The following PCDHA7 variants were observed in gnomAD, a reference collection of about 807,000 sequenced individuals.
The protein encoded by PCDHA7 is protocadherin alpha 7.
In PCDHA7, 37 loss-of-function variants were observed where a neutral mutation model predicts 57.2. That is an observed-to-expected ratio of 0.65 (90% confidence interval 0.50 to 0.85). The LOEUF (loss-of-function observed/expected upper bound fraction) is 0.85, where lower values mean the gene tolerates loss of function less well. PCDHA7 is among the 40% of genes least tolerant of loss of function. The probability of loss-of-function intolerance (pLI) is 0.00; values close to 1 mark genes in which losing one functional copy is unlikely to be tolerated. For missense variants in PCDHA7, 1,188 were observed against 1,241.8 expected (o/e 0.96, Z 0.65); for synonymous variants, 553 against 558.8 (o/e 0.99, Z 0.15).
At chr5:140,891,502 T>C (rs11748559) in intron 1 of PCDHA7, among the ~76,000 whole-genome samples, 18,999 of 152,020 alleles carry the variant, frequency 0.12, 1,247 homozygotes, top group Middle Eastern at 0.19. Context: ...TCCTCAGCTA[T>C]AATGTTCTCC....
intron 1 of PCDHA7, among the ~76,000 whole-genome samples, chr5:140,902,795 A>G (rs555172255): frequency 6.8e-4 from 103 of 151,862 alleles, no homozygotes; most frequent in African/African-American, 2.3e-3. Context: ...TCTCACTTGT[A>G]TGTGAGAATA....
intron 1 of PCDHA7, chr5:140,851,772 A>G (rs1236960091): frequency 1.0e-6 from 1 of 968,722 alleles, no homozygotes; most frequent in Non-Finnish European, 1.2e-6. Context: ...ACCCTTATGA[A>G]TTTAGATGAG....
intron 1 of PCDHA7, chr5:140,869,160 C>G (rs201759355): frequency 6.2e-7 from 1 of 1,613,768 alleles, no homozygotes; most frequent in African/African-American, 1.3e-5. Flanking sequence ...TCTGGCTTCT[C>G]CTCCTCGAAT....
At chr5:140,967,562 C>T in intron 1 of PCDHA7, 1 of 1,614,064 alleles carries the variant, frequency 6.2e-7, no homozygotes, top group Non-Finnish European at 8.5e-7. Context: ...TCGCGTCCAG[C>T]TACGGGAGGA....
chr5:140,861,903 A>G (rs115177043), intron 1 of PCDHA7: 3,607 of 155,014 alleles, frequency 0.023, 51 homozygotes, highest in Middle Eastern at 0.034. Flanking sequence ...AAAGCATTAT[A>G]TATCACAGCG....
At chr5:140,869,980 A>G (rs782258774) in intron 1 of PCDHA7, 91 of 1,613,262 alleles carry the variant, frequency 5.6e-5, no homozygotes, top group Non-Finnish European at 7.5e-5. Context: ...ACACTTATTT[A>G]CACTAGATCA....
intron 1 of PCDHA7, chr5:140,877,279 T>G (rs782432213): frequency 1.2e-6 from 2 of 1,613,820 alleles, no homozygotes; most frequent in Non-Finnish European, 1.7e-6. Flanking sequence ...TGACTCCGGC[T>G]ATAACGCTTG....
intron 1 of PCDHA7, among the ~76,000 whole-genome samples, chr5:140,921,467 A>G (rs1287124986): frequency 1.3e-5 from 2 of 152,204 alleles, no homozygotes; most frequent in East Asian, 1.9e-4. Flanking sequence ...TGCAACCACT[A>G]CCAAACCACT....
At chr5:140,953,258 T>C (rs1042358653) in intron 1 of PCDHA7, among the ~76,000 whole-genome samples, 22 of 152,304 alleles carry the variant, frequency 1.4e-4, no homozygotes, top group African/African-American at 5.3e-4. Context: ...TTAGTTCTTT[T>C]AGCTTTAGCC....
At chr5:140,896,551 A>G (rs1474890462) in intron 1 of PCDHA7, among the ~76,000 whole-genome samples, 1 of 139,892 alleles carries the variant, frequency 7.1e-6, no homozygotes, top group African/African-American at 2.6e-5. Context: ...TTTTTTTTGT[A>G]TTTTAAGTAG....
rs201231291 is a variant in PCDHA7, at chr5:140,849,957, G to A, written c.2355+13219G>A. On this transcript the variant is annotated intron_variant, in intron 1 of 3. Transcript: ENST00000525929. ...GCGGGACGCTGACGCGCAGGAGAAC[G>A]CCCTGGTGTCCTACTCGCTGGTGGA... The A allele has an allele frequency of 3.1e-6, 5 of 1,597,800 alleles. 1 individual carries two copies. The highest frequency in any genetic ancestry group is 3.4e-6 in the Non-Finnish European group (4 of 1,167,908).
chr5:141,000,375 C>G (rs1253953172), intron 3 of PCDHA7, among the ~76,000 whole-genome samples: 8 of 57,690 alleles, frequency 1.4e-4, no homozygotes, highest in Non-Finnish European at 1.9e-4. Context: ...CTCTCTCTCT[C>G]TCTCTCTCTC....
intron 3 of PCDHA7, among the ~76,000 whole-genome samples, chr5:140,998,621 A>G (rs1167341355): frequency 5.3e-5 from 8 of 151,758 alleles, no homozygotes; most frequent in Admixed American, 3.9e-4. Context: ...CTGGAGTGCA[A>G]TGGCACAATC....
At chr5:140,844,381 T>C (rs1554140633) in intron 1 of PCDHA7, among the ~76,000 whole-genome samples, 1 of 149,612 alleles carries the variant, frequency 6.7e-6, no homozygotes, top group African/African-American at 2.4e-5. Flanking sequence ...TTCTTTTAAT[T>C]CATTATTTAG....
intron 1 of PCDHA7, chr5:140,868,109 A>G (rs1371639409): frequency 6.6e-6 from 1 of 152,124 alleles, no homozygotes; most frequent in Non-Finnish European, 1.5e-5. Flanking sequence ...AATTTATTTT[A>G]TAGTTGAAAA....
chr5:140,868,706 CAA>C (rs1562618527), intron 1 of PCDHA7: 1 of 185,252 alleles, frequency 5.4e-6, no homozygotes, highest in Non-Finnish European at 1.1e-5. Flanking sequence ...AACATAGACA[CAA>C]TAATTTAAAT....
intron 1 of PCDHA7, among the ~76,000 whole-genome samples, chr5:140,972,533 T>C (rs2096540643): frequency 6.6e-6 from 1 of 152,134 alleles, no homozygotes; most frequent in African/African-American, 2.4e-5. Flanking sequence ...ATTTCATAAA[T>C]CACTTGTGCA....
intron 1 of PCDHA7, chr5:140,968,638 A>T: frequency 6.2e-7 from 1 of 1,614,184 alleles, no homozygotes; most frequent in Non-Finnish European, 8.5e-7. Context: ...TTTACCATCT[A>T]GCCCAGACTT....
rs1424749324 is a variant in PCDHA7 at position 140,834,632 on chromosome 5, T to C, written c.249T>C (p.Ile83=). ...TGGAGGTAAATCTGCAGAATGGCAT[T>C]TTGTTTGTGAATTCTCGGATCGACC... ...DLLEVNLQNG[I]LFVNSRIDRE... Residue 83 remains isoleucine (I), a synonymous_variant, in exon 1 of 4, where the codon ATT becomes ATC. Transcript: ENST00000525929. 4.3e-6 allele frequency: 7 copies of C among 1,613,948 alleles called. No individual in the cohort carries two copies. Among genetic ancestry groups the C allele is most frequent in the African/African-American group, 2.7e-5 (2 of 74,932 alleles).
Sources: gnomAD v4.1 joint callset for allele counts (sites outside exome capture counted in the v4.1 genomes callset) on GRCh38, gnomAD v4.1.1 for gene constraint, MANE v1.5 for transcripts, NCBI Gene and HGNC (gene_info 2026-07-23, HGNC 2026-07-21) for gene names.